Variants in TENM2 observed in about 807,000 individuals in gnomAD.
TENM2 encodes the protein teneurin-2.
TENM2 carries 52 observed loss-of-function variants against 245.2 expected under a neutral mutation model. The observed-to-expected ratio is 0.21, with a 90% confidence interval of 0.17 to 0.27. The LOEUF (loss-of-function observed/expected upper bound fraction) is 0.27. Ranked by LOEUF, TENM2 falls within the 10% of genes least tolerant of loss-of-function variation. TENM2 has a pLI of 1.00. For synonymous variants in TENM2, 1,363 were observed against 1,438.9 expected, an observed-to-expected ratio of 0.95 and a Z score of 1.19; for missense variants, 3,046 against 3,666.8, an observed-to-expected ratio of 0.83 and a Z score of 4.37.
the TENM2 span, among the ~76,000 whole-genome samples, chr5:166,995,006 A>AT: frequency 2.6e-5 from 4 of 152,092 alleles, no homozygotes; most frequent in Non-Finnish European, 5.9e-5. Context: ...TAATAACGAC[A>AT]TTTTTCATTT....
chr5:167,154,621 A>G, the TENM2 span, among the ~76,000 whole-genome samples: 1 of 152,228 alleles, frequency 6.6e-6, no homozygotes, highest in Admixed American at 6.5e-5. Context: ...GAAATTGGGA[A>G]TTTTCCATAG....
the TENM2 span, among the ~76,000 whole-genome samples, chr5:167,186,656 G>A: frequency 6.6e-6 from 1 of 152,180 alleles, no homozygotes; most frequent in Non-Finnish European, 1.5e-5. Flanking sequence ...CTGGACTGAT[G>A]AGCTGAATGT....
chr5:167,827,095 C>A (rs928155277), intron 2 of TENM2, among the ~76,000 whole-genome samples: 6 of 152,216 alleles, frequency 3.9e-5, no homozygotes, highest in African/African-American at 1.4e-4. Flanking sequence ...AAGTAGTCTT[C>A]AGTTTCATGT....
At chr5:167,433,195 T>C (rs1764353333) in intron 2 of TENM2, among the ~76,000 whole-genome samples, 1 of 152,106 alleles carries the variant, frequency 6.6e-6, no homozygotes, top group Non-Finnish European at 1.5e-5. Context: ...GTAATCTGTA[T>C]ACTTTGACCT....
chr5:167,551,979 C>A (rs1385158544), intron 2 of TENM2, among the ~76,000 whole-genome samples: 1 of 152,164 alleles, frequency 6.6e-6, no homozygotes, highest in Non-Finnish European at 1.5e-5. Flanking sequence ...AGCTCCTTGG[C>A]AATTGTTCTC....
chr5:168,021,679 G>T (rs1674526760), intron 5 of TENM2, among the ~76,000 whole-genome samples: 1 of 152,074 alleles, frequency 6.6e-6, no homozygotes, highest in African/African-American at 2.4e-5. Context: ...AGTTTCATAA[G>T]AGACCCCAAC....
At chr5:167,232,849 G>C in the TENM2 span, among the ~76,000 whole-genome samples, 1 of 152,190 alleles carries the variant, frequency 6.6e-6, no homozygotes, top group African/African-American at 2.4e-5. Flanking sequence ...TTGCCTTAGT[G>C]CCACAGAGTA....
intron 2 of TENM2, among the ~76,000 whole-genome samples, chr5:167,520,479 G>A (rs1477379025): frequency 6.6e-6 from 1 of 152,024 alleles, no homozygotes. Context: ...TGAGATGGGA[G>A]GGTAAGGCTT....
chr5:168,227,533 TC>T (rs1451394725), intron 24 of TENM2, among the ~76,000 whole-genome samples: 2 of 151,314 alleles, frequency 1.3e-5, no homozygotes, highest in Non-Finnish European at 2.9e-5. Context: ...TTTTTTTTTT[TC>T]CTGGTATAAG....
At chr5:167,455,790 G>C (rs773478627) in intron 2 of TENM2, among the ~76,000 whole-genome samples, 2 of 152,078 alleles carry the variant, frequency 1.3e-5, no homozygotes, top group Admixed American at 6.5e-5. Flanking sequence ...AAGCTTGTTT[G>C]TATGCAACAG....
At chr5:167,828,855 A>G (rs2151081298) in intron 2 of TENM2, among the ~76,000 whole-genome samples, 1 of 152,350 alleles carries the variant, frequency 6.6e-6, no homozygotes. Flanking sequence ...CTTCTATTTG[A>G]CAAATAAGAA....
intron 2 of TENM2, among the ~76,000 whole-genome samples, chr5:167,522,187 A>T: frequency 6.6e-6 from 1 of 152,168 alleles, no homozygotes; most frequent in East Asian, 1.9e-4. Flanking sequence ...TTAAACATGA[A>T]GTGACTTAAA....
intron 1 of TENM2, among the ~76,000 whole-genome samples, chr5:167,305,728 G>A (rs1755637372): frequency 6.6e-6 from 1 of 152,138 alleles, no homozygotes; most frequent in South Asian, 2.1e-4. Flanking sequence ...ACTATGTCAG[G>A]GATGAAATGA....
chr5:167,515,638 T>C lies in TENM2; in HGVS notation c.502+140165T>C, dbSNP rs200560190. Among the ~76,000 whole-genome samples, 70 of 133,960 alleles carry C rather than the reference T, an allele frequency of 5.2e-4. No individual in the cohort carries two copies. In the South Asian group the frequency reaches 6.2e-3, roughly 12 times the overall value. The allele number at this position is 133,960 out of a possible 152,430, so 87.9% of individuals were successfully genotyped here. A position where few individuals can be genotyped will look rare whatever the true frequency, so the allele number is the denominator to read the frequency against. ...ATATATACATATATATACATATATA[T>C]GTATATATATACACATATATACGTA... On this transcript the variant is annotated intron_variant, in intron 2 of 28. Transcript: ENST00000518659.
intron 13 of TENM2, among the ~76,000 whole-genome samples, chr5:168,178,435 T>C (rs1759549797): frequency 6.6e-6 from 1 of 152,054 alleles, no homozygotes; most frequent in Admixed American, 6.5e-5. Flanking sequence ...TTGCCAGTGG[T>C]TTTTGTAACA....
chr5:167,780,800 G>A (rs1006158909), intron 2 of TENM2, among the ~76,000 whole-genome samples: 5 of 152,250 alleles, frequency 3.3e-5, no homozygotes, highest in Non-Finnish European at 7.4e-5. Context: ...CAATGATTCA[G>A]TATTCTCTAA....
the TENM2 span, among the ~76,000 whole-genome samples, chr5:167,257,730 GT>G: frequency 6.6e-6 from 1 of 152,066 alleles, no homozygotes; most frequent in Non-Finnish European, 1.5e-5. Context: ...CTGTACTATA[GT>G]TAAATGGACC....
At chr5:167,394,537 C>T (rs1761944179) in intron 2 of TENM2, among the ~76,000 whole-genome samples, 2 of 152,014 alleles carry the variant, frequency 1.3e-5, no homozygotes, top group South Asian at 4.2e-4. Flanking sequence ...GTCAGTTTGA[C>T]ACATAGACTT....
intron 2 of TENM2, among the ~76,000 whole-genome samples, chr5:167,799,790 T>C (rs946113222): frequency 6.6e-6 from 1 of 152,214 alleles, no homozygotes; most frequent in Non-Finnish European, 1.5e-5. Context: ...TACTTGGTGT[T>C]GGGCATGTCT....
Sources: gnomAD v4.1 joint callset for allele counts (sites outside exome capture counted in the v4.1 genomes callset) on GRCh38, gnomAD v4.1.1 for gene constraint, MANE v1.5 for transcripts, NCBI Gene and HGNC (gene_info 2026-07-23, HGNC 2026-07-21) for gene names.